RBMS3: variants seen among roughly 807,000 people sequenced by gnomAD.
RBMS3 encodes the protein RNA-binding motif, single-stranded-interacting protein 3.
A neutral mutation model predicts 66.8 loss-of-function variants in RBMS3; 27 were observed. The observed-to-expected ratio is 0.40, with a 90% CI of 0.30 to 0.56. The LOEUF is 0.56. RBMS3 is among the 20% of genes least tolerant of loss of function. RBMS3 has a pLI of 0.40. For missense variants in RBMS3, 513 were observed against 549.5 expected (o/e 0.93, Z 0.66); for synonymous variants, 188 against 183.0 (o/e 1.03, Z -0.22).
intron 1 of RBMS3, among the ~76,000 whole-genome samples, chr3:29,403,215 TTCTTA>T (rs1310614883): frequency 6.6e-6 from 1 of 152,100 alleles, no homozygotes; most frequent in East Asian, 1.9e-4. Context: ...TGAATATATT[TTCTTA>T]TCTTAGCAGG....
intron 4 of RBMS3, among the ~76,000 whole-genome samples, chr3:29,687,102 TTC>T (rs1396302125): frequency 4.6e-5 from 7 of 152,316 alleles, no homozygotes; most frequent in Admixed American, 1.3e-4. Context: ...TATGTGTGGT[TTC>T]TTTTTGAGTC....
At chr3:29,553,244 G>A (rs138802984) in intron 3 of RBMS3, among the ~76,000 whole-genome samples, 1 of 152,180 alleles carries the variant, frequency 6.6e-6, no homozygotes, top group African/African-American at 2.4e-5. Flanking sequence ...TATAAATACT[G>A]TTTTAAGGTC....
At chr3:29,950,060 G>A (rs1695575264) in intron 12 of RBMS3, among the ~76,000 whole-genome samples, 1 of 151,696 alleles carries the variant, frequency 6.6e-6, no homozygotes, top group Non-Finnish European at 1.5e-5. Flanking sequence ...TTTCCCCCTG[G>A]GTAACTGCTT....
chr3:29,332,374 T>C (rs964213224), intron 1 of RBMS3, among the ~76,000 whole-genome samples: 1 of 152,166 alleles, frequency 6.6e-6, no homozygotes, highest in African/African-American at 2.4e-5. Flanking sequence ...AATGTTATTG[T>C]TTTTTCAGTT....
intron 11 of RBMS3, among the ~76,000 whole-genome samples, chr3:29,937,359 G>A (rs1023686991): frequency 1.3e-5 from 2 of 151,910 alleles, no homozygotes; most frequent in African/African-American, 2.4e-5. Flanking sequence ...TGTACAATAT[G>A]CACACTAGTT....
At chr3:29,333,447 T>A (rs1278716165) in intron 1 of RBMS3, among the ~76,000 whole-genome samples, 12 of 151,996 alleles carry the variant, frequency 7.9e-5, no homozygotes, top group Non-Finnish European at 1.2e-4. Flanking sequence ...AAGTATAATT[T>A]AAAAAAAATT....
At chr3:29,766,282 G>T (rs2055925070) in intron 6 of RBMS3, 1 of 151,884 alleles carries the variant, frequency 6.6e-6, no homozygotes, top group African/African-American at 2.4e-5. Flanking sequence ...TTCCTGAGAT[G>T]ATCATCTAGT....
intron 6 of RBMS3, among the ~76,000 whole-genome samples, chr3:29,773,858 A>G (rs735284): frequency 0.069 from 10,440 of 152,128 alleles, 438 homozygotes; most frequent in African/African-American, 0.097. Context: ...TACTATCTCT[A>G]TAGCTTTCCT....
intron 4 of RBMS3, among the ~76,000 whole-genome samples, chr3:29,635,280 A>G (rs370015097): frequency 1.3e-5 from 2 of 151,872 alleles, no homozygotes; most frequent in African/African-American, 4.8e-5. Flanking sequence ...CATTCAAAAC[A>G]TCAAACCTAA....
At chr3:29,863,129 A>G (rs921329292) in intron 6 of RBMS3, among the ~76,000 whole-genome samples, 12 of 151,616 alleles carry the variant, frequency 7.9e-5, no homozygotes, top group Non-Finnish European at 1.3e-4. Flanking sequence ...TAAGGATAAT[A>G]TGGAAATATA....
rs184188310 is a variant in RBMS3 at position 29,589,821 on chromosome 3, G to T, written c.399+2616G>T. 3.3e-5 allele frequency among the ~76,000 whole-genome samples: 5 copies of T among 152,020 alleles called. No individual in the cohort carries two copies. In the East Asian group the frequency reaches 9.7e-4, roughly 29 times the overall value. ...TCAATATCCTACTATGCAGGTTGTGGTGTCACATTTAGTGACTCCAGCATT... is the reference window on the plus strand; with the variant it reads ...TCAATATCCTACTATGCAGGTTGTGTTGTCACATTTAGTGACTCCAGCATT... On this transcript the variant is annotated intron_variant, in intron 4 of 14. Transcript: ENST00000383767.
intron 14 of RBMS3, among the ~76,000 whole-genome samples, chr3:30,001,038 T>TA (rs10640996): frequency 0.087 from 13,169 of 151,528 alleles, 996 homozygotes; most frequent in South Asian, 0.18. Flanking sequence ...TAAAGTATAA[T>TA]AAAAAAAAGA....
intron 11 of RBMS3, among the ~76,000 whole-genome samples, chr3:29,939,365 C>T (rs1474689642): frequency 6.6e-6 from 1 of 151,914 alleles, no homozygotes; most frequent in Non-Finnish European, 1.5e-5. Flanking sequence ...ATAATACTAT[C>T]TCTGCCTGAG....
rs58006568 is a variant in RBMS3, at chr3:29,355,558, G to GA, written c.75+73812dup. Among the ~76,000 whole-genome samples the GA allele has an allele frequency of 1.7e-3, 243 of 146,378 alleles. 1 individual carries two copies. Among genetic ancestry groups the GA allele is most frequent in the Middle Eastern group, 3.5e-3 (1 of 286 alleles). On this transcript the variant is annotated intron_variant, in intron 1 of 14. Transcript: ENST00000383767. ...CCTTATGGGAAAATATATACAGCAA[G>GA]AAAAAAAAAAGGAAAAAATGTTGAT...
At chr3:29,760,728 A>G (rs1471146520) in intron 5 of RBMS3, among the ~76,000 whole-genome samples, 5 of 152,084 alleles carry the variant, frequency 3.3e-5, no homozygotes, top group Non-Finnish European at 5.9e-5. Context: ...GAAACTTGAA[A>G]GAGTTAGGAA....
chr3:29,908,261 AC>A (rs2085853736), intron 10 of RBMS3, among the ~76,000 whole-genome samples: 2 of 145,026 alleles, frequency 1.4e-5, no homozygotes, highest in African/African-American at 2.9e-5. Flanking sequence ...AAAAAAAAAA[AC>A]AAACAAACAG....
chr3:29,857,986 C>T (rs1049451021), intron 6 of RBMS3, among the ~76,000 whole-genome samples: 2 of 152,040 alleles, frequency 1.3e-5, no homozygotes, highest in South Asian at 2.1e-4. Context: ...ATGGAAAATT[C>T]TTCATATATA....
intron 4 of RBMS3, among the ~76,000 whole-genome samples, chr3:29,618,058 A>G (rs2048728715): frequency 6.6e-6 from 1 of 152,236 alleles, no homozygotes; most frequent in Non-Finnish European, 1.5e-5. Context: ...CCTCAAAGAT[A>G]TCTCTTAGAA....
chr3:29,908,566 A>G (rs747227716), intron 10 of RBMS3, among the ~76,000 whole-genome samples: 1 of 152,118 alleles, frequency 6.6e-6, no homozygotes, highest in Non-Finnish European at 1.5e-5. Flanking sequence ...GAATGTATAG[A>G]GTTTTTAATG....
Sources: allele counts gnomAD v4.1 joint callset (sites outside exome capture counted in the v4.1 genomes callset), GRCh38; gene constraint gnomAD v4.1.1; transcripts MANE v1.5; gene names NCBI Gene and HGNC (gene_info 2026-07-23, HGNC 2026-07-21).